The following ZC3H13 variants were observed in gnomAD, a reference collection of about 807,000 sequenced individuals.
ZC3H13 encodes the protein zinc finger CCCH-type containing 13, also known as zinc finger CCCH domain-containing protein 13.
ZC3H13 carries 64 observed loss-of-function variants against 204.1 expected under a neutral mutation model. The ratio of observed to expected loss-of-function variants is 0.31; its 90% CI spans 0.26 to 0.39. ZC3H13 has a LOEUF of 0.39. ZC3H13 is among the 10% of genes least tolerant of loss of function. The pLI is 1.00. For missense variants in ZC3H13, 1,833 were observed against 2,082.7 expected (o/e 0.88, Z 2.33); for synonymous variants, 667 against 693.7 (o/e 0.96, Z 0.60).
rs766744566 is a variant in ZC3H13 at position 45,985,324 on chromosome 13, C to G, written c.1693G>C (p.Gly565Arg). The G allele has an allele frequency of 6.2e-7, 1 of 1,613,782 alleles. No homozygotes were observed. Residue 565 changes from glycine (G) to arginine (R), a missense_variant, in exon 10 of 19, where the codon GGG becomes CGG. By Grantham distance (125) the Gly-to-Arg change is moderately radical. Transcript: ENST00000679008. Reference sequence around the variant, plus strand: ...TTTTCAGGTAACTCAGGAACCCTCCCCCTACTTCGGCCCATTCGGTCATTT... The same window carrying G: ...TTTTCAGGTAACTCAGGAACCCTCCGCCTACTTCGGCCCATTCGGTCATTT... ...IRNDRMGRSRGRVPELPEKGS... is the reference protein window; with the variant it reads ...IRNDRMGRSRRRVPELPEKGS...
chr13:45,967,502 A>G lies in ZC3H13; in HGVS notation c.4321+2T>C. 1 of 1,538,954 alleles carries G rather than the reference A, an allele frequency of 6.5e-7. No homozygotes were observed. Among genetic ancestry groups the G allele is most frequent in the Admixed American group, 2.2e-5 (1 of 46,506 alleles). ...ATCACAGACAACAGAGGTAGCACTC[A>G]CCTTCCAGACTCTCAGTTCTCTCGG... On this transcript the variant is annotated splice_donor_variant, in intron 15 of 18. Coordinates refer to ENST00000679008, the MANE Select transcript of ZC3H13 (RefSeq NM_001330564.2). LOFTEE classifies it high-confidence loss of function.
intron 9 of ZC3H13, among the ~76,000 whole-genome samples, chr13:45,987,903 T>C (rs2039665714): frequency 6.6e-6 from 1 of 152,158 alleles, no homozygotes; most frequent in Non-Finnish European, 1.5e-5. Context: ...CAGGCTTTAT[T>C]GCCAGGTAAC....
rs151084950 is a variant in ZC3H13 at position 46,027,280 on chromosome 13, C to T, written c.340-6723G>A. On this transcript the variant is annotated intron_variant, in intron 4 of 18. Coordinates refer to ENST00000679008, the MANE Select transcript of ZC3H13 (RefSeq NM_001330564.2). Reference sequence around the variant, plus strand: ...CCACTACACCCGGCTAATTTCTGTACGTTTTGTAGAGATGGGAGTTTTGCC... The same window carrying T: ...CCACTACACCCGGCTAATTTCTGTATGTTTTGTAGAGATGGGAGTTTTGCC... Among the ~76,000 whole-genome samples the T allele has an allele frequency of 1.1e-3, 166 of 151,962 alleles. 1 individual carries two copies. The South Asian group carries it at 0.017, about 15-fold the overall frequency.
chr13:45,971,361 C>A (rs1221885845), intron 12 of ZC3H13, among the ~76,000 whole-genome samples: 1 of 151,856 alleles, frequency 6.6e-6, no homozygotes, highest in African/African-American at 2.4e-5. Flanking sequence ...GAATAGAAAA[C>A]CCAGAAATAA....
intron 9 of ZC3H13, among the ~76,000 whole-genome samples, chr13:45,987,157 C>T (rs2039601305): frequency 6.6e-6 from 1 of 152,154 alleles, no homozygotes; most frequent in Non-Finnish European, 1.5e-5. Flanking sequence ...ACCTCCCTAT[C>T]CTTCCACCGA....
At chr13:46,005,874 G>A (rs184550226) in intron 7 of ZC3H13, among the ~76,000 whole-genome samples, 98 of 152,090 alleles carry the variant, frequency 6.4e-4, no homozygotes, top group Admixed American at 1.1e-3. Flanking sequence ...TGGGCGGATC[G>A]TGAGGCGGTC....
At chr13:45,994,608 G>T (rs2040201310) in intron 8 of ZC3H13, among the ~76,000 whole-genome samples, 1 of 152,184 alleles carries the variant, frequency 6.6e-6, no homozygotes, top group African/African-American at 2.4e-5. Flanking sequence ...AAGACAAATA[G>T]CTGGTATTCC....
chr13:46,011,372 C>T, intron 6 of ZC3H13, 43 bp downstream of exon 6: 1 of 1,537,294 alleles, frequency 6.5e-7, no homozygotes, highest in Non-Finnish European at 8.8e-7. Context: ...AATACAAATG[C>T]TGCTATTAAG....
chr13:46,041,413 C>T (rs538581232), intron 4 of ZC3H13, among the ~76,000 whole-genome samples: 4 of 152,148 alleles, frequency 2.6e-5, no homozygotes, highest in Non-Finnish European at 5.9e-5. Context: ...TTGCCTAGGG[C>T]TGGTGGCTAG....
At chr13:45,997,102 T>C (rs1422819026) in intron 8 of ZC3H13, among the ~76,000 whole-genome samples, 2 of 152,258 alleles carry the variant, frequency 1.3e-5, no homozygotes, top group East Asian at 1.9e-4. Flanking sequence ...AGGCTTTTTC[T>C]CTGCGTAAAT....
intron 4 of ZC3H13, among the ~76,000 whole-genome samples, chr13:46,030,731 A>C (rs2042842489): frequency 6.6e-6 from 1 of 152,216 alleles, no homozygotes; most frequent in Non-Finnish European, 1.5e-5. Context: ...TGAAATACTT[A>C]AGGATAAATC....
chr13:46,022,642 C>G (rs2042289059), intron 4 of ZC3H13, among the ~76,000 whole-genome samples: 1 of 151,756 alleles, frequency 6.6e-6, no homozygotes, highest in Non-Finnish European at 1.5e-5. Flanking sequence ...CCTGGAACAT[C>G]TAAGTCTTGA....
chr13:46,036,415 G>C (rs1186694038), intron 4 of ZC3H13, among the ~76,000 whole-genome samples: 1 of 152,058 alleles, frequency 6.6e-6, no homozygotes, highest in Non-Finnish European at 1.5e-5. Flanking sequence ...ATAAATTCAG[G>C]ATAAATATCA....
chr13:45,972,570 A>G (rs1952673333), intron 12 of ZC3H13, among the ~76,000 whole-genome samples: 1 of 152,188 alleles, frequency 6.6e-6, no homozygotes, highest in South Asian at 2.1e-4. Flanking sequence ...GTACCCTAAA[A>G]GCTATTGAAA....
chr13:46,010,215 A>T (rs1216291198), intron 7 of ZC3H13, 133 bp downstream of exon 7: 1 of 928,256 alleles, frequency 1.1e-6, no homozygotes, highest in Non-Finnish European at 1.5e-6. Context: ...AACATTTCAA[A>T]TTTCTTTTTA....
intron 8 of ZC3H13, among the ~76,000 whole-genome samples, chr13:45,998,648 C>CAA (rs538785317): frequency 7.1e-5 from 10 of 140,698 alleles, no homozygotes; most frequent in African/African-American, 2.6e-4. Context: ...AACTCCGTCT[C>CAA]AAAAAAAAAA....
At chr13:45,983,415 T>TATATATATATATATATATATATA (rs1212615990) in intron 10 of ZC3H13, among the ~76,000 whole-genome samples, 2 of 10,984 alleles carry the variant, frequency 1.8e-4, no homozygotes, top group Admixed American at 1.4e-3. Flanking sequence ...ATATATATAT[T>TATATATATATATATATATATATA]TTTTTTTTTT....
intron 16 of ZC3H13, among the ~76,000 whole-genome samples, 169 bp from the exon 17 acceptor site, chr13:45,964,211 T>C (rs948363466): frequency 7.2e-5 from 11 of 152,204 alleles, no homozygotes; most frequent in Non-Finnish European, 1.6e-4. Context: ...ACTCAGAATC[T>C]AAGGACTCTG....
At chr13:46,036,581 G>T (rs564327201) in intron 4 of ZC3H13, among the ~76,000 whole-genome samples, 2 of 150,236 alleles carry the variant, frequency 1.3e-5, no homozygotes, top group South Asian at 2.1e-4. Context: ...AGGTGGAAAA[G>T]AAAAAAAACA....
Sources: allele counts gnomAD v4.1 joint callset (sites outside exome capture counted in the v4.1 genomes callset), GRCh38; gene constraint gnomAD v4.1.1; transcripts MANE v1.5; gene names NCBI Gene and HGNC (gene_info 2026-07-23, HGNC 2026-07-21).